Variants in TTC7A observed in about 807,000 individuals in gnomAD.
TTC7A encodes tetratricopeptide repeat protein 7A.
TTC7A carries 110 observed loss-of-function variants against 103.7 expected under a neutral mutation model. The observed-to-expected ratio is 1.06, with a 90% CI of 0.91 to 1.24. The LOEUF is 1.24. Ranked by LOEUF, TTC7A falls within the 50% of genes most tolerant of loss-of-function variation. TTC7A has a pLI of 0.00. For missense variants in TTC7A, 1,340 were observed against 1,116.3 expected (o/e 1.20, Z -2.86); for synonymous variants, 521 against 467.9 (o/e 1.11, Z -1.47).
intron 5 of TTC7A, among the ~76,000 whole-genome samples, chr2:46,990,057 C>T (rs1043455243): frequency 6.6e-6 from 1 of 152,222 alleles, no homozygotes. Flanking sequence ...GACCTGCCGG[C>T]CCCCTGTAGG....
At chr2:47,037,549 G>A (rs375561913) in intron 15 of TTC7A, among the ~76,000 whole-genome samples, 26 of 152,348 alleles carry the variant, frequency 1.7e-4, no homozygotes, top group African/African-American at 6.3e-4. Context: ...TCACATAGCT[G>A]ATGAGTGGTG....
intron 5 of TTC7A, among the ~76,000 whole-genome samples, chr2:46,991,323 G>A (rs563852131): frequency 2.0e-5 from 3 of 152,046 alleles, no homozygotes; most frequent in African/African-American, 7.2e-5. Context: ...ACATTTTGAG[G>A]CATTCTTGTC....
rs182990283 is a variant in TTC7A, at chr2:47,024,398, G to A, written c.1641+39G>A. The A allele has an allele frequency of 1.6e-4, 245 of 1,560,510 alleles. 1 individual carries two copies. The African/African-American group carries it at 3.0e-3, about 19-fold the overall frequency. On this transcript the variant is annotated intron_variant, in intron 14 of 19. Transcript: ENST00000319190. Reference sequence around the variant, plus strand: ...GTTCCTAACCCCCGGGTCCTCGGGGGCTGCTGATCTTCTCCTGGAAACCCA... The same window carrying A: ...GTTCCTAACCCCCGGGTCCTCGGGGACTGCTGATCTTCTCCTGGAAACCCA...
At position 47,006,626 on chromosome 2, in the gene TTC7A, A is replaced by G. The variant is rs755269389; in HGVS notation, c.1204-15A>G. On this transcript the variant is annotated splice_polypyrimidine_tract_variant and intron_variant, in intron 9 of 19. Transcript: ENST00000319190. Reference sequence around the variant, plus strand: ...GACCCCTGGTGGGTAAATGCTGACTATCTCCCCTCCCCAGTGCCTGGAGCG... The same window carrying G: ...GACCCCTGGTGGGTAAATGCTGACTGTCTCCCCTCCCCAGTGCCTGGAGCG... The G allele has an allele frequency of 1.1e-5, 17 of 1,611,586 alleles. No individual in the cohort carries two copies. The highest frequency in any genetic ancestry group is 1.6e-4 in the Middle Eastern group (1 of 6,084).
At chr2:47,036,139 G>C (rs767604356) in intron 15 of TTC7A, among the ~76,000 whole-genome samples, 1 of 152,206 alleles carries the variant, frequency 6.6e-6, no homozygotes, top group East Asian at 1.9e-4. Context: ...GAGGGAAGCC[G>C]AGACCCGGAG....
chr2:46,920,253 T>C (rs1202354853), intron 2 of TTC7A, among the ~76,000 whole-genome samples: 1 of 152,198 alleles, frequency 6.6e-6, no homozygotes, highest in Non-Finnish European at 1.5e-5. Flanking sequence ...CCCTTTTGTC[T>C]CGCTCTCCTT....
At chr2:46,999,546 A>G (rs986626051) in intron 8 of TTC7A, 21 of 985,336 alleles carry the variant, frequency 2.1e-5, no homozygotes, top group African/African-American at 8.7e-5. Flanking sequence ...CAGTTCAATC[A>G]TAGTTCCTGT....
chr2:46,960,310 G>T (rs898853286), intron 3 of TTC7A, among the ~76,000 whole-genome samples: 1 of 152,182 alleles, frequency 6.6e-6, no homozygotes, highest in Admixed American at 6.5e-5. Flanking sequence ...CTATGGCCCT[G>T]GACAGAGCCT....
chr2:46,976,274 G>T (rs112517072), intron 4 of TTC7A, among the ~76,000 whole-genome samples: 2,202 of 152,362 alleles, frequency 0.014, 57 homozygotes, highest in African/African-American at 0.05. Flanking sequence ...ATTTGAAGAA[G>T]AGTTAGCTTC....
intron 15 of TTC7A, among the ~76,000 whole-genome samples, chr2:47,039,147 T>C (rs1681470113): frequency 6.6e-6 from 1 of 152,076 alleles, no homozygotes; most frequent in Non-Finnish European, 1.5e-5. Flanking sequence ...TGAAGGCACT[T>C]CCAGGAAGCA....
intron 19 of TTC7A, among the ~76,000 whole-genome samples, chr2:47,073,343 AT>A (rs58881219): frequency 0.024 from 3,689 of 152,104 alleles, 125 homozygotes; most frequent in African/African-American, 0.082. Context: ...AGATGCTGTG[AT>A]TTTTCCCATT....
chr2:46,964,133 G>A (rs1051797016), intron 3 of TTC7A, among the ~76,000 whole-genome samples: 2 of 152,332 alleles, frequency 1.3e-5, no homozygotes, highest in Middle Eastern at 3.4e-3. Flanking sequence ...AGGCTTGTTC[G>A]ATTGAAGCAC....
intron 1 of TTC7A, among the ~76,000 whole-genome samples, chr2:46,947,567 A>C (rs1289682208): frequency 6.6e-6 from 1 of 152,148 alleles, no homozygotes; most frequent in Non-Finnish European, 1.5e-5. Flanking sequence ...AATACAAAAA[A>C]TTAGCTGGGT....
At chr2:47,029,659 G>A (rs1680305761) in intron 15 of TTC7A, among the ~76,000 whole-genome samples, 1 of 152,192 alleles carries the variant, frequency 6.6e-6, no homozygotes, top group Non-Finnish European at 1.5e-5. Flanking sequence ...AAAGGAGACT[G>A]CTTGAATGCA....
At chr2:47,023,357 G>A (rs771795778) in intron 12 of TTC7A, 51 bp from the exon 13 acceptor site, 12 of 1,592,054 alleles carry the variant, frequency 7.5e-6, no homozygotes, top group African/African-American at 4.0e-5. Flanking sequence ...GGGCTGGGCC[G>A]GCACCCTTCA....
At chr2:46,996,348 A>T (rs1457510546) in intron 8 of TTC7A, among the ~76,000 whole-genome samples, 1 of 152,236 alleles carries the variant, frequency 6.6e-6, no homozygotes, top group Non-Finnish European at 1.5e-5. Flanking sequence ...GGTTTTTAAA[A>T]AAACGACGCA....
Position 46,994,363 on chromosome 2 carries a change from G to A in TTC7A, c.850G>A (p.Ala284Thr), listed in dbSNP as rs1255356418. 6 of 1,612,236 alleles carry A rather than the reference G, an allele frequency of 3.7e-6. No individual in the cohort carries two copies. Among genetic ancestry groups the A allele is most frequent in the South Asian group, 2.2e-5 (2 of 90,902 alleles). Reference protein sequence around the residue: ...KATQNFKVMAAKHLAGVLLHS... With the variant: ...KATQNFKVMATKHLAGVLLHS... ...GTGCTTCCCTCTCTGCCAGATGGCG[G>A]CCAAGCACCTGGCGGGGGTCCTGCT... Residue 284 changes from alanine to threonine, a missense_variant, in exon 7 of 20, where the codon GCC becomes ACC. Transcript: ENST00000319190.
At chr2:46,959,327 C>G (rs1279410685) in intron 3 of TTC7A, among the ~76,000 whole-genome samples, 4 of 152,170 alleles carry the variant, frequency 2.6e-5, no homozygotes, top group Admixed American at 6.5e-5. Context: ...CCTGACTGAC[C>G]CACACTCAGC....
At chr2:46,946,813 G>C (rs764691820) in intron 1 of TTC7A, among the ~76,000 whole-genome samples, 3 of 152,202 alleles carry the variant, frequency 2.0e-5, no homozygotes, top group Non-Finnish European at 4.4e-5. Context: ...TAGTTGGATG[G>C]AAAGAAAAGA....
Sources: allele counts gnomAD v4.1 joint callset (sites outside exome capture counted in the v4.1 genomes callset), GRCh38; gene constraint gnomAD v4.1.1; transcripts MANE v1.5; gene names NCBI Gene and HGNC (gene_info 2026-07-23, HGNC 2026-07-21).